The following GLI3 variants were observed in gnomAD, a reference collection of about 807,000 sequenced individuals.
GLI3 encodes transcription activator GLI3.
Under a neutral mutation model 100.8 loss-of-function variants are expected in GLI3, and 20 were observed. The ratio of observed to expected loss-of-function variants is 0.20; its 90% CI spans 0.14 to 0.29. The LOEUF (loss-of-function observed/expected upper bound fraction) is 0.29. Ranked by LOEUF, GLI3 falls within the 10% of genes least tolerant of loss-of-function variation. The probability of loss-of-function intolerance (pLI) is 1.00; values close to 1 mark genes in which losing one functional copy is unlikely to be tolerated. For synonymous variants in GLI3, 938 were observed against 860.5 expected (o/e 1.09, Z -1.58); for missense variants, 2,040 against 2,128.5 (o/e 0.96, Z 0.82).
intron 3 of GLI3, among the ~76,000 whole-genome samples, chr7:42,142,583 CAG>C (rs1400198342): frequency 2.0e-5 from 3 of 152,076 alleles, no homozygotes; most frequent in South Asian, 2.1e-4. Context: ...TCTCCTAAAA[CAG>C]AGATACGCAG....
At chr7:42,210,471 C>T (rs1461056628) in intron 2 of GLI3, among the ~76,000 whole-genome samples, 1 of 151,692 alleles carries the variant, frequency 6.6e-6, no homozygotes, top group African/African-American at 2.4e-5. Context: ...ACTTTCTCCC[C>T]ACCACCAACC....
intron 2 of GLI3, among the ~76,000 whole-genome samples, chr7:42,215,428 T>A (rs952831846): frequency 4.6e-5 from 7 of 152,006 alleles, no homozygotes; most frequent in African/African-American, 1.7e-4. Flanking sequence ...ACCTTGGGGG[T>A]CAGAGCAGGA....
intron 2 of GLI3, among the ~76,000 whole-genome samples, chr7:42,194,317 T>C (rs901265315): frequency 6.6e-6 from 1 of 152,192 alleles, no homozygotes; most frequent in Non-Finnish European, 1.5e-5. Context: ...CAAACTTTAA[T>C]GTGTATAGTC....
At chr7:41,967,379 C>T (rs1332097980) in intron 14 of GLI3, among the ~76,000 whole-genome samples, 6 of 144,428 alleles carry the variant, frequency 4.2e-5, no homozygotes, top group African/African-American at 1.5e-4. Flanking sequence ...ATGAGTCATG[C>T]ACAGTCACAT....
At chr7:42,122,524 C>T (rs769191757) in intron 3 of GLI3, among the ~76,000 whole-genome samples, 14 of 152,064 alleles carry the variant, frequency 9.2e-5, no homozygotes, top group Non-Finnish European at 1.6e-4. Context: ...TCCAGATGCT[C>T]GACCCTCATA....
rs2877138 is a variant in GLI3, at chr7:42,210,352, C to A, written c.124+12778G>T. ...CAAAAATGAAAGCCCCCCCCCCCCC[C>A]CCAAGTTAAAATAAGGTACAAAGTT... On this transcript the variant is annotated intron_variant, in intron 2 of 14. Transcript: ENST00000395925. 1.0e-3 allele frequency among the ~76,000 whole-genome samples: 42 copies of A among 41,328 alleles called. No individual in the cohort carries two copies. In the East Asian group the frequency reaches 0.021, roughly 21 times the overall value. The allele number at this position is 41,328 out of a possible 152,430, so 27.1% of individuals were successfully genotyped here. A position where few individuals can be genotyped will look rare whatever the true frequency, so the allele number is the denominator to read the frequency against.
At position 42,148,429 on chromosome 7, in the gene GLI3, C is replaced by T. The variant is rs764332121; in HGVS notation, c.164G>A (p.Arg55Lys). The T allele has an allele frequency of 1.2e-6, 2 of 1,613,944 alleles. No individual in the cohort carries two copies. Among genetic ancestry groups the T allele is most frequent in the East Asian group, 4.5e-5 (2 of 44,880 alleles). Residue 55 changes from arginine (R) to lysine (K), a missense_variant, in exon 3 of 15, where the codon AGA (arginine) becomes AAA (lysine). Physicochemically the swap from Arg to Lys is conservative, Grantham distance 26. Around this residue, in one of 5 missense-constraint regions of GLI3, gnomAD observed 603 missense variants for 690.9 expected, o/e 0.87. Coordinates refer to ENST00000395925, the MANE Select transcript of GLI3 (RefSeq NM_000168.6). ...CTGTGGCTGCATAGTGATTGCGTTT[C>T]TTCTCTCTCTGTGATAAGTCTGTCC... ...SPGQTYHRER[R>K]NAITMQPQNV...
intron 10 of GLI3, among the ~76,000 whole-genome samples, chr7:41,987,247 C>T (rs1441524572): frequency 6.6e-6 from 1 of 152,138 alleles, no homozygotes; most frequent in Non-Finnish European, 1.5e-5. Flanking sequence ...CAGCTCACTA[C>T]AACCTCCACC....
Position 42,028,770 on chromosome 7 carries a change from AAATAATAAT to A in GLI3, c.1029-2367_1029-2359del, listed in dbSNP as rs147616149. On this transcript the variant is annotated intron_variant, in intron 7 of 14. Transcript: ENST00000395925. ...CAGAGCAAGACTCCGTCTCAAAAAT[AAATAATAAT>A]AATAATAATAATAATAATAAATAAA... is the stretch of plus-strand genomic sequence containing the variant. Among the ~76,000 whole-genome samples, 29 of 146,042 alleles carry A rather than the reference AAATAATAAT, an allele frequency of 2.0e-4. 1 individual carries two copies. The South Asian group carries it at 2.8e-3, about 14-fold the overall frequency.
chr7:42,133,911 G>A (rs1192891651), intron 3 of GLI3, among the ~76,000 whole-genome samples: 3 of 151,988 alleles, frequency 2.0e-5, no homozygotes, highest in East Asian at 1.9e-4. Context: ...GTGAAACACC[G>A]TATCTACTAT....
chr7:42,249,822 C>T (rs1238450249), intron 1 of GLI3, among the ~76,000 whole-genome samples: 3 of 152,088 alleles, frequency 2.0e-5, no homozygotes, highest in South Asian at 2.1e-4. Context: ...TGGCCAGGCA[C>T]GGTGGCTCAC....
intron 7 of GLI3, among the ~76,000 whole-genome samples, chr7:42,029,384 G>C (rs916446163): frequency 3.7e-4 from 56 of 152,236 alleles, no homozygotes; most frequent in African/African-American, 1.3e-3. Flanking sequence ...TGGGGCAGAG[G>C]ACGGGCGATG....
At chr7:42,016,858 G>A (rs974477151) in intron 10 of GLI3, among the ~76,000 whole-genome samples, 1 of 152,184 alleles carries the variant, frequency 6.6e-6, no homozygotes, top group Non-Finnish European at 1.5e-5. Flanking sequence ...TCAGCCCATA[G>A]AGTCGCAATA....
chr7:42,009,521 G>C (rs1391319059), intron 10 of GLI3, among the ~76,000 whole-genome samples: 1 of 108,714 alleles, frequency 9.2e-6, no homozygotes, highest in Non-Finnish European at 1.9e-5. Context: ...AAAAATTTCT[G>C]ATATTGGTTC....
intron 1 of GLI3, among the ~76,000 whole-genome samples, chr7:42,257,590 C>T (rs932372106): frequency 6.6e-6 from 1 of 152,036 alleles, no homozygotes; most frequent in African/African-American, 2.4e-5. Flanking sequence ...GTGATCCTCC[C>T]ACCTCGGGCT....
At chr7:42,009,048 C>G (rs1166198496) in intron 10 of GLI3, among the ~76,000 whole-genome samples, 1 of 152,216 alleles carries the variant, frequency 6.6e-6, no homozygotes, top group Non-Finnish European at 1.5e-5. Flanking sequence ...GAGCCCAGCC[C>G]AGCAGCACGA....
In GLI3 at chr7:41,963,984, T is replaced by C. The variant is rs1221255723; in HGVS notation, c.*346A>G. The C allele has an allele frequency of 1.9e-5, 4 of 215,910 alleles. No individual in the cohort carries two copies. Among genetic ancestry groups the C allele is most frequent in the Admixed American group, 1.6e-4 (3 of 19,124 alleles). The allele number at this position is 215,910 out of a possible 1,614,324, so 13.4% of individuals were successfully genotyped here. ...AGCAAAACATGTCAAATCCTTTAATTTGACTGCTCTTCTAAAAGAAAGAAG... is the reference window on the plus strand; with the variant it reads ...AGCAAAACATGTCAAATCCTTTAATCTGACTGCTCTTCTAAAAGAAAGAAG... On this transcript the variant is annotated 3_prime_UTR_variant, in exon 15 of 15. Transcript: ENST00000395925.
intron 3 of GLI3, among the ~76,000 whole-genome samples, chr7:42,124,851 G>A (rs846392): frequency 0.6 from 90,652 of 152,086 alleles, 27,782 homozygotes; most frequent in African/African-American, 0.73. Context: ...TCTTTTCCTA[G>A]ATGATGGTAT....
chr7:42,002,973 C>A (rs1159789990), intron 10 of GLI3, among the ~76,000 whole-genome samples: 1 of 152,200 alleles, frequency 6.6e-6, no homozygotes, highest in Non-Finnish European at 1.5e-5. Context: ...AAACCAAGCA[C>A]TAGTTGCCTA....
Sources: allele counts gnomAD v4.1 joint callset (sites outside exome capture counted in the v4.1 genomes callset), GRCh38; gene constraint gnomAD v4.1.1; regional missense constraint gnomAD v4.1.1; transcripts MANE v1.5; gene names NCBI Gene and HGNC (gene_info 2026-07-23, HGNC 2026-07-21).